ZNF469: variants seen among roughly 807,000 people sequenced by gnomAD.
The protein encoded by ZNF469 is zinc finger protein 469.
Under a neutral mutation model 1.0 loss-of-function variants are expected in ZNF469, and 1 was observed. That is an observed-to-expected ratio of 1.00 (90% CI 0.35 to 4.73). The LOEUF is 4.73. Ranked by LOEUF, ZNF469 falls within the 30% of genes most tolerant of loss-of-function variation. The pLI is 0.16. For missense variants in ZNF469, 6,100 were observed against 5,356.3 expected, an observed-to-expected ratio of 1.14 and a Z score of -4.33; for synonymous variants, 2,703 against 2,363.4, an observed-to-expected ratio of 1.14 and a Z score of -4.17.
At chr16:88,228,932 A>G in the ZNF469 span, among the ~76,000 whole-genome samples, 1 of 152,196 alleles carries the variant, frequency 6.6e-6, no homozygotes, top group South Asian at 2.1e-4. Context: ...AGCATCGGGC[A>G]GAAGCCAGGC....
At chr16:88,425,883 G>C (rs1474278314) in intron 2 of ZNF469, among the ~76,000 whole-genome samples, 1 of 152,198 alleles carries the variant, frequency 6.6e-6, no homozygotes, top group Non-Finnish European at 1.5e-5. Context: ...GTGTGATGTG[G>C]AGTTTGCAGG....
At chr16:88,369,389 G>T in the ZNF469 span, among the ~76,000 whole-genome samples, 1 of 152,226 alleles carries the variant, frequency 6.6e-6, no homozygotes, top group Non-Finnish European at 1.5e-5. Flanking sequence ...GGCATTGCCT[G>T]ACTCACAGGA....
the ZNF469 span, among the ~76,000 whole-genome samples, chr16:88,210,299 A>G: frequency 6.6e-6 from 1 of 151,536 alleles, no homozygotes; most frequent in Non-Finnish European, 1.5e-5. Context: ...TTTCCCCTAT[A>G]TTTGATGTAT....
chr16:88,409,500 G>A (rs368927886), intron 1 of ZNF469, among the ~76,000 whole-genome samples: 7 of 152,112 alleles, frequency 4.6e-5, no homozygotes, highest in Non-Finnish European at 5.9e-5. Flanking sequence ...GGTCACCCAC[G>A]TGCTCAGGGC....
At chr16:88,299,541 G>T in the ZNF469 span, among the ~76,000 whole-genome samples, 1 of 152,192 alleles carries the variant, frequency 6.6e-6, no homozygotes, top group South Asian at 2.1e-4. Context: ...TCATCTTGAG[G>T]CATGGGGCTG....
the ZNF469 span, among the ~76,000 whole-genome samples, chr16:88,182,604 C>G: frequency 6.6e-6 from 1 of 152,080 alleles, no homozygotes; most frequent in South Asian, 2.1e-4. Context: ...GTCAATAGAT[C>G]TTTTTCAACA....
At position 88,434,569 on chromosome 16, in the gene ZNF469, G is replaced by A. The variant is rs956274007; in HGVS notation, c.7099G>A (p.Glu2367Lys). 5 of 1,550,224 alleles carry A rather than the reference G, an allele frequency of 3.2e-6. No homozygotes were observed. Among genetic ancestry groups the A allele is most frequent in the Non-Finnish European group, 4.4e-6 (5 of 1,146,924 alleles). The change falls in exon 3 of 3, where the codon GAA becomes AAA. Residue 2367 changes from glutamate (E) to lysine (K), a missense_variant. Coordinates refer to ENST00000565624, the MANE Select transcript of ZNF469 (RefSeq NM_001367624.2). ...AGGGCCGGACTCCCCCGCCTGCCTG[G>A]AAGGTGAGATGGGGACCAGCAGCAA... The part of the protein sequence containing the change: ...GAGPDSPACL[E>K]GEMGTSSKEP...
At chr16:88,380,385 T>TCA (rs200965111), upstream of ZNF469, among the ~76,000 whole-genome samples, 45,196 of 103,384 alleles carry the variant, frequency 0.44, 13,058 homozygotes, top group African/African-American at 0.79. Flanking sequence ...TCACACGCAC[T>TCA]CACAGACACG....
the ZNF469 span, among the ~76,000 whole-genome samples, chr16:88,166,772 A>AACAC: frequency 0.037 from 5,419 of 145,792 alleles, 221 homozygotes; most frequent in African/African-American, 0.09. This position sits in a 1 kb window ranked among gnomAD's most constrained non-coding sequence, Gnocchi z 4.5. Context: ...CAGAATCATA[A>AACAC]ACACACACAC....
At chr16:88,157,032 C>G in the ZNF469 span, among the ~76,000 whole-genome samples, 1 of 152,228 alleles carries the variant, frequency 6.6e-6, no homozygotes, top group African/African-American at 2.4e-5. Context: ...GCCTCGGTGC[C>G]GGGGTTTCCT....
intron 1 of ZNF469, among the ~76,000 whole-genome samples, chr16:88,395,081 C>A (rs1599347020): frequency 6.6e-6 from 1 of 152,208 alleles, no homozygotes; most frequent in Non-Finnish European, 1.5e-5. Context: ...TGAATCAGCC[C>A]CAGGGACCCT....
At chr16:88,130,946 T>A in the ZNF469 span, among the ~76,000 whole-genome samples, 1 of 152,082 alleles carries the variant, frequency 6.6e-6, no homozygotes, top group Non-Finnish European at 1.5e-5. Flanking sequence ...GGCGTCCCGA[T>A]GAGGACGAGG....
At chr16:88,341,721 C>T in the ZNF469 span, among the ~76,000 whole-genome samples, 3 of 152,124 alleles carry the variant, frequency 2.0e-5, no homozygotes, top group Non-Finnish European at 4.4e-5. Flanking sequence ...GCAGGTGGTG[C>T]AGCGTCCACA....
At chr16:88,353,296 G>T in the ZNF469 span, among the ~76,000 whole-genome samples, 3 of 152,052 alleles carry the variant, frequency 2.0e-5, no homozygotes, top group Non-Finnish European at 4.4e-5. Flanking sequence ...ACGTGAGTCT[G>T]CCATGTCTTC....
the ZNF469 span, among the ~76,000 whole-genome samples, chr16:88,209,854 A>G: frequency 2.6e-5 from 4 of 152,220 alleles, no homozygotes; most frequent in Admixed American, 1.3e-4. Context: ...ATTACATGCA[A>G]TGTTGCAATG....
the ZNF469 span, among the ~76,000 whole-genome samples, chr16:88,282,104 A>G: frequency 6.2e-3 from 950 of 152,318 alleles, 4 homozygotes; most frequent in Non-Finnish European, 0.011. Context: ...AGGGTAGTCC[A>G]TGGCAGATAA....
the ZNF469 span, among the ~76,000 whole-genome samples, chr16:88,326,601 C>T: frequency 3.3e-5 from 5 of 152,200 alleles, no homozygotes; most frequent in East Asian, 1.9e-4. Flanking sequence ...TCCCAGGGAC[C>T]ACCCTCCAGC....
the ZNF469 span, among the ~76,000 whole-genome samples, chr16:88,233,560 G>A: frequency 3.3e-4 from 50 of 152,384 alleles, no homozygotes; most frequent in African/African-American, 1.2e-3. Flanking sequence ...GCGCCCAAAT[G>A]TATAGCAGCT....
chr16:88,279,567 G>A, the ZNF469 span, among the ~76,000 whole-genome samples: 1 of 136,864 alleles, frequency 7.3e-6, no homozygotes. Context: ...GGTTAGTGCT[G>A]CACCACACTG....
Sources: allele counts gnomAD v4.1 joint callset (sites outside exome capture counted in the v4.1 genomes callset), GRCh38; gene constraint gnomAD v4.1.1; non-coding constraint Gnocchi (gnomAD v3.1); transcripts MANE v1.5; gene names NCBI Gene and HGNC (gene_info 2026-07-23, HGNC 2026-07-21).